Variants in PCDHA10 observed in about 807,000 individuals in gnomAD.
PCDHA10 encodes the protein protocadherin alpha 10.
In PCDHA10, 45 loss-of-function variants were observed where a neutral mutation model predicts 61.2. The ratio of observed to expected loss-of-function variants is 0.74; its 90% CI spans 0.58 to 0.94. The LOEUF (loss-of-function observed/expected upper bound fraction) is 0.94. PCDHA10 is among the 40% of genes least tolerant of loss of function. The pLI is 0.00. For synonymous variants in PCDHA10, 602 were observed against 548.8 expected, an observed-to-expected ratio of 1.10 and a Z score of -1.35; for missense variants, 1,278 against 1,236.2, an observed-to-expected ratio of 1.03 and a Z score of -0.51.
rs35184029 is a variant in PCDHA10 at position 140,997,668 on chromosome 5, TTGTGTG to T, written c.2537-11935_2537-11930del. Among the ~76,000 whole-genome samples the T allele has an allele frequency of 3.7e-4, 55 of 148,336 alleles. 1 individual carries two copies. The South Asian group carries it at 5.8e-3, about 16-fold the overall frequency. On this transcript the variant is annotated intron_variant, in intron 3 of 3. Coordinates refer to ENST00000307360, the MANE Select transcript of PCDHA10 (RefSeq NM_018901.4). ...AATGCAATATGTATTATTATACAGC[TTGTGTG>T]TGTGTGTGTGTGTGTGTGTGTGTAT...
At chr5:140,927,471 C>A (rs1371582285) in intron 1 of PCDHA10, 2 of 1,613,968 alleles carry the variant, frequency 1.2e-6, no homozygotes, top group African/African-American at 1.3e-5. Flanking sequence ...CACTGGATCG[C>A]GAACAGCGCG....
At chr5:141,000,413 ATATATATATTT>A (rs1563651437) in intron 3 of PCDHA10, among the ~76,000 whole-genome samples, 3 of 93,258 alleles carry the variant, frequency 3.2e-5, no homozygotes, top group African/African-American at 1.4e-4. Flanking sequence ...ATATATATAT[ATATATATATTT>A]TTTTTTTTTT....
chr5:140,899,846 C>T (rs1554188760), intron 1 of PCDHA10, among the ~76,000 whole-genome samples: 1 of 152,142 alleles, frequency 6.6e-6, no homozygotes, highest in African/African-American at 2.4e-5. Flanking sequence ...CTTGCTGTGT[C>T]ACCCAGGCTG....
chr5:140,954,505 A>G (rs1011072156), intron 1 of PCDHA10, among the ~76,000 whole-genome samples: 2 of 152,082 alleles, frequency 1.3e-5, no homozygotes, highest in Non-Finnish European at 2.9e-5. Flanking sequence ...TTTGATTTGC[A>G]TTTACCTAAT....
intron 1 of PCDHA10, chr5:140,927,048 G>C: frequency 6.2e-7 from 1 of 1,612,122 alleles, no homozygotes; most frequent in Non-Finnish European, 8.5e-7. Flanking sequence ...CTATGTCCTC[G>C]CGGAACTTTC....
At chr5:140,877,748 G>T in intron 1 of PCDHA10, 1 of 1,614,188 alleles carries the variant, frequency 6.2e-7, no homozygotes, top group Non-Finnish European at 8.5e-7. Flanking sequence ...CAGAGGGTGT[G>T]CTCTGCAGAG....
intron 3 of PCDHA10, among the ~76,000 whole-genome samples, chr5:140,990,715 A>T (rs927680875): frequency 1.3e-5 from 2 of 152,194 alleles, no homozygotes; most frequent in Admixed American, 6.5e-5. Flanking sequence ...GGATAAGAGC[A>T]TCACTAGGTA....
chr5:140,968,401 C>A, intron 1 of PCDHA10: 4 of 1,613,984 alleles, frequency 2.5e-6, no homozygotes, highest in Non-Finnish European at 2.5e-6. Context: ...TTCGGGAGTT[C>A]TTTGTGACTG....
intron 2 of PCDHA10, among the ~76,000 whole-genome samples, chr5:140,979,796 T>A (rs1322390860): frequency 3.3e-5 from 5 of 152,236 alleles, no homozygotes; most frequent in Non-Finnish European, 7.3e-5. Flanking sequence ...AAACAAATGA[T>A]CACAACTATC....
chr5:140,877,964 T>C lies in PCDHA10; in HGVS notation c.2388+19528T>C, dbSNP rs1582419472. On this transcript the variant is annotated intron_variant, in intron 1 of 3. Coordinates refer to ENST00000307360, the MANE Select transcript of PCDHA10 (RefSeq NM_018901.4). ...AAACTATCGAATGTCTCATCTTTCTTGGTCATTCTTACTCATTTTGAACTT... is the reference window on the plus strand; with the variant it reads ...AAACTATCGAATGTCTCATCTTTCTCGGTCATTCTTACTCATTTTGAACTT... 3 of 1,310,338 alleles carry C rather than the reference T, an allele frequency of 2.3e-6. No individual in the cohort carries two copies. The East Asian group carries it at 7.9e-5, about 34-fold the overall frequency. 81.2% of individuals were successfully genotyped at this position (1,310,338 alleles called of 1,614,324 possible). A position where few individuals can be genotyped will look rare whatever the true frequency, so the allele number is the denominator to read the frequency against.
Position 140,857,769 on chromosome 5 carries a change from G to A in PCDHA10, c.1721G>A (p.Gly574Asp). The A allele has an allele frequency of 6.3e-7, 1 of 1,597,600 alleles. No homozygotes were observed. The highest frequency in any genetic ancestry group is 8.6e-7 in the Non-Finnish European group (1 of 1,167,664). ...GCGTCTCCCGCTGGCAGCGCGGGCG[G>A]TGCAGTCAGTGAGCTGGTGCTGCGG... ...LLASPAGSAG[G>D]AVSELVLRSV... Residue 574 changes from glycine (G) to aspartate (D), a missense_variant, in exon 1 of 4, where the codon GGT (glycine) becomes GAT (aspartate). By Grantham distance (94) the Gly-to-Asp change is moderately conservative. Coordinates refer to ENST00000307360, the MANE Select transcript of PCDHA10 (RefSeq NM_018901.4).
Position 140,941,114 on chromosome 5 carries a change from T to G in PCDHA10, c.2389-37835T>G, listed in dbSNP as rs193134067. ...TTTCACATACTATTACTGGAAAGAT[T>G]AGTCCTTTGAAGTTCCAGCTTAATG... On this transcript the variant is annotated intron_variant, in intron 1 of 3. Coordinates refer to ENST00000307360, the MANE Select transcript of PCDHA10 (RefSeq NM_018901.4). Among the ~76,000 whole-genome samples, 307 of 152,230 alleles carry G rather than the reference T, an allele frequency of 2.0e-3. 3 individuals carry two copies. Among genetic ancestry groups the G allele is most frequent in the African/African-American group, 7.2e-3 (299 of 41,546 alleles).
intron 1 of PCDHA10, chr5:140,876,134 A>T: frequency 6.2e-7 from 1 of 1,613,962 alleles, no homozygotes; most frequent in Non-Finnish European, 8.5e-7. Flanking sequence ...GGTAAACCAG[A>T]ACTAACAGGG....
intron 1 of PCDHA10, among the ~76,000 whole-genome samples, chr5:140,936,540 G>A (rs1320380132): frequency 6.6e-6 from 1 of 152,174 alleles, no homozygotes; most frequent in East Asian, 1.9e-4. Context: ...TGAATATAGT[G>A]CAATGTAGAA....
rs57893927 is a variant in PCDHA10, at chr5:140,946,631, T to TATATATATATATATATATATATAC, written c.2389-32317_2389-32316insTATATATATATATATATATATACA. Among the ~76,000 whole-genome samples the TATATATATATATATATATATATAC allele has an allele frequency of 2.6e-3, 340 of 131,752 alleles. 23 individuals carry two copies. The highest frequency in any genetic ancestry group is 0.011 in the African/African-American group (303 of 28,632). The allele number at this position is 131,752 out of a possible 152,430, so 86.4% of individuals were successfully genotyped here. On this transcript the variant is annotated intron_variant, in intron 1 of 3. Transcript: ENST00000307360. ...TGTGAAATATATATATATATATATA[T>TATATATATATATATATATATATAC]ACAATGGAATACTCATCAGCCATTA...
chr5:140,994,217 T>G (rs781792763), intron 3 of PCDHA10, among the ~76,000 whole-genome samples: 2 of 152,110 alleles, frequency 1.3e-5, no homozygotes, highest in Non-Finnish European at 2.9e-5. Flanking sequence ...GGACCCAGGG[T>G]CTGTCTATGT....
rs137875021 is a variant in PCDHA10, at chr5:140,942,837, A to C, written c.2389-36112A>C. Among the ~76,000 whole-genome samples, 666 of 152,296 alleles carry C rather than the reference A, an allele frequency of 4.4e-3. 3 individuals are homozygous for C. Among genetic ancestry groups the C allele is most frequent in the African/African-American group, 0.016 (646 of 41,564 alleles). On this transcript the variant is annotated intron_variant, in intron 1 of 3. Transcript: ENST00000307360. ...TTGGATTTGGCCCTGTGTCAATAAA[A>C]ATTCCAGTAAGATGATTATTTTGCT...
At chr5:140,889,946 C>T (rs1554184112) in intron 1 of PCDHA10, among the ~76,000 whole-genome samples, 1 of 152,114 alleles carries the variant, frequency 6.6e-6, no homozygotes, top group East Asian at 1.9e-4. Flanking sequence ...TGTGAGAAGC[C>T]AAATGGATAG....
At position 140,858,438 on chromosome 5, in the gene PCDHA10, TG is replaced by T; in HGVS notation, c.2388+5del. ...ATTGGAGGGGACCACTCTAGGAAGG[TG>T]GGTTATTACGTTTTCATTTTCCTTT... On this transcript the variant is annotated splice_donor_region_variant and intron_variant, in intron 1 of 3. Transcript: ENST00000307360. 1 of 1,540,928 alleles carries T rather than the reference TG, an allele frequency of 6.5e-7. No individual in the cohort carries two copies. The highest frequency in any genetic ancestry group is 8.8e-7 in the Non-Finnish European group (1 of 1,134,396).
Sources: gnomAD v4.1 joint callset for allele counts (sites outside exome capture counted in the v4.1 genomes callset) on GRCh38, gnomAD v4.1.1 for gene constraint, MANE v1.5 for transcripts, NCBI Gene and HGNC (gene_info 2026-07-23, HGNC 2026-07-21) for gene names.